Variants in ACTR3C observed in about 807,000 individuals in gnomAD.
ACTR3C encodes the protein actin related protein 3C, also known as actin-related protein 3C.
A neutral mutation model predicts 26.3 loss-of-function variants in ACTR3C; 18 were observed. The observed-to-expected ratio is 0.68, with a 90% confidence interval of 0.47 to 1.01. The LOEUF (loss-of-function observed/expected upper bound fraction) is 1.01. Among genes scored for constraint, ACTR3C ranks in the 50% least tolerant of loss-of-function variants. ACTR3C has a pLI of 0.00. For synonymous variants in ACTR3C, 55 were observed against 94.5 expected, an observed-to-expected ratio of 0.58 and a Z score of 2.42; for missense variants, 184 against 250.7, an observed-to-expected ratio of 0.73 and a Z score of 1.80.
In ACTR3C at chr7:150,294,440, C is replaced by G. The variant is rs1280290183; in HGVS notation, c.45+812G>C. Among the ~76,000 whole-genome samples, 16 of 152,222 alleles carry G rather than the reference C, an allele frequency of 1.1e-4. 1 individual carries two copies. On this transcript the variant is annotated intron_variant, in intron 2 of 7. Transcript: ENST00000683684. The stretch of plus-strand genomic sequence containing the variant: ...GCTGCACAGACCACTTTGAGAACCA[C>G]CAGTCTTATGTCTCCTGAAGTGTTT...
chr7:150,047,551 C>T, the ACTR3C span: 2 of 889,604 alleles, frequency 2.2e-6, no homozygotes, highest in East Asian at 1.8e-4. Context: ...CGACGCGTCT[C>T]GCTGCGCGCT....
At chr7:149,897,218 G>A in the ACTR3C span, among the ~76,000 whole-genome samples, 1 of 152,140 alleles carries the variant, frequency 6.6e-6, no homozygotes, top group Non-Finnish European at 1.5e-5. Flanking sequence ...AACCATGGAT[G>A]GTAGAGCTAC....
rs547260253 is a variant in ACTR3C at position 150,274,625 on chromosome 7, G to T, written c.564+10128C>A. Among the ~76,000 whole-genome samples the T allele has an allele frequency of 2.0e-5, 3 of 152,168 alleles. No individual in the cohort carries two copies. The highest frequency in any genetic ancestry group is 7.2e-5 in the African/African-American group (3 of 41,446). The stretch of plus-strand genomic sequence containing the variant: ...CCTAATAATTCCATGAGACGCTTAC[G>T]CCTGGCCCATCCTGCACCTGAGGAC... On this transcript the variant is annotated intron_variant, in intron 6 of 7. Transcript: ENST00000683684. This position sits in a 1 kb window ranked among gnomAD's most constrained non-coding sequence, Gnocchi z 4.1.
the ACTR3C span, among the ~76,000 whole-genome samples, chr7:150,033,860 G>A: frequency 0.25 from 36,350 of 145,934 alleles, 996 homozygotes; most frequent in East Asian, 0.29. Context: ...CCCCAGCGAT[G>A]GGGATCCTAA....
At chr7:149,886,846 G>A in the ACTR3C span, among the ~76,000 whole-genome samples, 3 of 151,954 alleles carry the variant, frequency 2.0e-5, no homozygotes, top group Non-Finnish European at 4.4e-5. Context: ...TGTAGTCCCA[G>A]CTACTCAGGA....
At chr7:149,951,984 T>C in the ACTR3C span, among the ~76,000 whole-genome samples, 2 of 149,146 alleles carry the variant, frequency 1.3e-5, no homozygotes, top group South Asian at 4.3e-4. Context: ...AAGGTCAAGG[T>C]GCTGGAGGGG....
chr7:150,179,820 G>A, the ACTR3C span, among the ~76,000 whole-genome samples: 1 of 151,560 alleles, frequency 6.6e-6, no homozygotes, highest in South Asian at 2.1e-4. Flanking sequence ...ACATGTTAAT[G>A]TATAATTATT....
the ACTR3C span, among the ~76,000 whole-genome samples, chr7:149,908,263 C>T: frequency 6.6e-6 from 1 of 152,114 alleles, no homozygotes; most frequent in Non-Finnish European, 1.5e-5. Flanking sequence ...CATTAATTTC[C>T]CCAGTCTTTA....
In ACTR3C at chr7:150,286,486, C is replaced by A. The variant is rs758897453; in HGVS notation, c.352G>T (p.Val118Leu). The A allele has an allele frequency of 6.2e-7, 1 of 1,611,450 alleles. No individual in the cohort carries two copies. Among genetic ancestry groups the A allele is most frequent in the Non-Finnish European group, 8.5e-7 (1 of 1,179,824 alleles). Residue 118 changes from valine to leucine, a missense_variant, in exon 5 of 8, where the codon GTG becomes TTG. Val to Leu is a conservative substitution (Grantham distance 32). Coordinates refer to ENST00000683684, the MANE Select transcript of ACTR3C (RefSeq NM_001164458.2). ...DIVKEFAKYD[V>L]DPQKWIKQYT... Reference sequence around the variant, plus strand: ...TGTTTGATCCACTTCTGGGGATCCACATCATACTTGGCAAATTCCTTGACT... The same window carrying A: ...TGTTTGATCCACTTCTGGGGATCCAAATCATACTTGGCAAATTCCTTGACT...
At chr7:150,146,295 G>A in the ACTR3C span, among the ~76,000 whole-genome samples, 2 of 152,094 alleles carry the variant, frequency 1.3e-5, no homozygotes, top group Non-Finnish European at 2.9e-5. Context: ...TTCTGTGGTG[G>A]ACAGCTCTGT....
chr7:150,147,555 C>T, the ACTR3C span, among the ~76,000 whole-genome samples: 1 of 152,090 alleles, frequency 6.6e-6, no homozygotes, highest in Non-Finnish European at 1.5e-5. Flanking sequence ...CATCCATCCT[C>T]CTTATAAATG....
the ACTR3C span, among the ~76,000 whole-genome samples, chr7:149,987,103 GGGGGACAAA>G: frequency 7.1e-6 from 1 of 140,994 alleles, no homozygotes; most frequent in Non-Finnish European, 1.5e-5. Context: ...GCCCTCCACT[GGGGGACAAA>G]GGGTAATCAA....
the ACTR3C span, among the ~76,000 whole-genome samples, chr7:150,126,106 G>A: frequency 6.6e-6 from 1 of 152,220 alleles, no homozygotes; most frequent in Non-Finnish European, 1.5e-5. Context: ...GACTAGATGT[G>A]AAACAAAGGA....
At chr7:150,181,473 C>T in the ACTR3C span, among the ~76,000 whole-genome samples, 3 of 150,638 alleles carry the variant, frequency 2.0e-5, no homozygotes, top group African/African-American at 7.5e-5. Flanking sequence ...CCAGTAGTCC[C>T]AGGTACTCGG....
At chr7:149,944,671 G>A in the ACTR3C span, among the ~76,000 whole-genome samples, 2 of 151,784 alleles carry the variant, frequency 1.3e-5, no homozygotes, top group Non-Finnish European at 2.9e-5. Context: ...AAAAAATTAT[G>A]TCTCCTCCTT....
At chr7:150,312,485 A>G (rs1219692975) in intron 1 of ACTR3C, among the ~76,000 whole-genome samples, 1 of 152,202 alleles carries the variant, frequency 6.6e-6, no homozygotes, top group Admixed American at 6.5e-5. Flanking sequence ...TATGTAAAAC[A>G]TTATTCCTTT....
At chr7:150,037,157 C>CG in the ACTR3C span, among the ~76,000 whole-genome samples, 1 of 53,116 alleles carries the variant, frequency 1.9e-5, no homozygotes, top group Non-Finnish European at 4.2e-5. Flanking sequence ...GGGGTGCCTC[C>CG]CCCCCTGTGA....
At chr7:150,165,689 C>T in the ACTR3C span, among the ~76,000 whole-genome samples, 32 of 151,194 alleles carry the variant, frequency 2.1e-4, 1 homozygote, top group Admixed American at 7.2e-4. Flanking sequence ...CCATCATCCA[C>T]ACAATCTACT....
chr7:149,929,283 C>T, the ACTR3C span, among the ~76,000 whole-genome samples: 1 of 151,816 alleles, frequency 6.6e-6, no homozygotes, highest in Non-Finnish European at 1.5e-5. Context: ...AAAAAGTTAG[C>T]TGGGCATGGT....
Sources: allele counts gnomAD v4.1 joint callset (sites outside exome capture counted in the v4.1 genomes callset), GRCh38; gene constraint gnomAD v4.1.1; non-coding constraint Gnocchi (gnomAD v3.1); transcripts MANE v1.5; gene names NCBI Gene and HGNC (gene_info 2026-07-23, HGNC 2026-07-21).